Variants in BTG4 observed in about 807,000 individuals in gnomAD.
BTG4 encodes BTG anti-proliferation factor 4.
A neutral mutation model predicts 19.3 loss-of-function variants in BTG4; 10 were observed. The ratio of observed to expected loss-of-function variants is 0.52; its 90% CI spans 0.32 to 0.88. The LOEUF (loss-of-function observed/expected upper bound fraction) is 0.88. Among genes scored for constraint, BTG4 ranks in the 40% least tolerant of loss-of-function variants. BTG4 has a pLI of 0.04. For missense variants in BTG4, 238 were observed against 281.9 expected, an observed-to-expected ratio of 0.84 and a Z score of 1.11; for synonymous variants, 91 against 95.7, an observed-to-expected ratio of 0.95 and a Z score of 0.29.
chr11:111,491,748 A>T (rs1207613920), downstream of BTG4, among the ~76,000 whole-genome samples: 4 of 150,266 alleles, frequency 2.7e-5, no homozygotes, highest in Non-Finnish European at 5.9e-5. Flanking sequence ...AAAAAAAAAA[A>T]AAGAAAGAAA....
At chr11:111,472,456 C>T (rs1864127375) in intron 5 of BTG4, among the ~76,000 whole-genome samples, 1 of 152,184 alleles carries the variant, frequency 6.6e-6, no homozygotes, top group Non-Finnish European at 1.5e-5. Context: ...TTGCCACTGA[C>T]AACTAGTGGG....
At chr11:111,440,930 T>A in the BTG4 span, among the ~76,000 whole-genome samples, 6 of 152,138 alleles carry the variant, frequency 3.9e-5, no homozygotes, top group African/African-American at 1.2e-4. Context: ...CCACACCACT[T>A]AGGTACTGAG....
chr11:111,410,352 G>A, the BTG4 span, among the ~76,000 whole-genome samples: 1 of 152,022 alleles, frequency 6.6e-6, no homozygotes, highest in East Asian at 1.9e-4. Flanking sequence ...CAATCCTCCT[G>A]ATATAACTAG....
the BTG4 span, among the ~76,000 whole-genome samples, chr11:111,460,858 T>C: frequency 6.6e-6 from 1 of 152,188 alleles, no homozygotes; most frequent in Non-Finnish European, 1.5e-5. Context: ...AAAGCTTTCC[T>C]GCCCATTCCT....
chr11:111,424,931 G>T, the BTG4 span, among the ~76,000 whole-genome samples: 1 of 152,102 alleles, frequency 6.6e-6, no homozygotes, highest in Non-Finnish European at 1.5e-5. Context: ...TACTTTAAAA[G>T]ATTAATAAAA....
At chr11:111,427,033 C>T in the BTG4 span, among the ~76,000 whole-genome samples, 15 of 152,292 alleles carry the variant, frequency 9.8e-5, no homozygotes, top group South Asian at 3.1e-3. Flanking sequence ...CTTGAAGAGA[C>T]CTAGAATGAT....
chr11:111,513,596 C>T (rs541327462), upstream of BTG4: 5 of 438,740 alleles, frequency 1.1e-5, no homozygotes, highest in Admixed American at 7.3e-5. Flanking sequence ...TGATTTCATC[C>T]ATTGCCTATT....
the BTG4 span, among the ~76,000 whole-genome samples, chr11:111,460,912 G>C: frequency 1.3e-5 from 2 of 152,144 alleles, no homozygotes; most frequent in African/African-American, 4.8e-5. Context: ...TCCCCATCCA[G>C]GCACTCTTTA....
chr11:111,503,648 A>T (rs1460984130), intron 1 of BTG4, among the ~76,000 whole-genome samples: 1 of 152,188 alleles, frequency 6.6e-6, no homozygotes, highest in African/African-American at 2.4e-5. Context: ...GGTTCTGGCC[A>T]TTTGGAGTGA....
chr11:111,404,697 A>G, the BTG4 span: 3 of 455,996 alleles, frequency 6.6e-6, no homozygotes, highest in Admixed American at 7.1e-5. Flanking sequence ...TGGGTGAAGA[A>G]TGTCCTTTTT....
chr11:111,439,740 G>T, the BTG4 span, among the ~76,000 whole-genome samples: 1 of 152,040 alleles, frequency 6.6e-6, no homozygotes, highest in East Asian at 1.9e-4. Context: ...ACCTATAGGA[G>T]TCATAGAGCC....
At chr11:111,398,047 G>C in the BTG4 span, 1 of 152,086 alleles carries the variant, frequency 6.6e-6, no homozygotes, top group Non-Finnish European at 1.5e-5. Flanking sequence ...GTGGCTTGTG[G>C]GGCATGAGTG....
chr11:111,513,614 C>G, upstream of BTG4: 1 of 403,728 alleles, frequency 2.5e-6, no homozygotes, highest in Non-Finnish European at 5.1e-6. Context: ...ATTAATTGCT[C>G]AGCCAAAAGA....
chr11:111,487,332 T>C (rs1361752891), intron 5 of BTG4, among the ~76,000 whole-genome samples: 1 of 152,216 alleles, frequency 6.6e-6, no homozygotes, highest in Non-Finnish European at 1.5e-5. Flanking sequence ...TTTGGGTATA[T>C]ACCCAGTAAT....
At chr11:111,471,812 T>C (rs1365965182) in intron 5 of BTG4, among the ~76,000 whole-genome samples, 5 of 152,210 alleles carry the variant, frequency 3.3e-5, no homozygotes. Flanking sequence ...ACGCAATTTT[T>C]AATTTCTTTC....
At chr11:111,449,609 A>T in the BTG4 span, 1 of 152,226 alleles carries the variant, frequency 6.6e-6, no homozygotes, top group Non-Finnish European at 1.5e-5. Context: ...GGAAATATAG[A>T]GGTCAGTACT....
At chr11:111,513,087 ATG>A, upstream of BTG4, 1 of 436,380 alleles carries the variant, frequency 2.3e-6, no homozygotes, top group Admixed American at 2.4e-5. Context: ...TCGAGAGAAG[ATG>A]CCTGAGAAGC....
the BTG4 span, among the ~76,000 whole-genome samples, chr11:111,454,745 T>G: frequency 7.1e-6 from 1 of 140,424 alleles, no homozygotes; most frequent in Non-Finnish European, 1.5e-5. Flanking sequence ...GGCCAGGGCT[T>G]CCCCAGCAGA....
rs1291670920 is a variant in BTG4, at chr11:111,497,982, CTA to C, written c.311+14_311+15del. 2 of 1,612,526 alleles carry C rather than the reference CTA, an allele frequency of 1.2e-6. No homozygotes were observed. The highest frequency in any genetic ancestry group is 1.7e-6 in the Non-Finnish European group (2 of 1,178,944). On this transcript the variant is annotated intron_variant, in intron 3 of 4. Coordinates refer to ENST00000692032, the MANE Select transcript of BTG4 (RefSeq NM_001367975.1). ...TTCCAGGTATCACACAGCACACAAACTATGAGATTACTCACCTACAGCATACT... is the reference window on the plus strand; with the variant it reads ...TTCCAGGTATCACACAGCACACAAACTGAGATTACTCACCTACAGCATACT...
Sources: allele counts gnomAD v4.1 joint callset (sites outside exome capture counted in the v4.1 genomes callset), GRCh38; gene constraint gnomAD v4.1.1; transcripts MANE v1.5; gene names NCBI Gene and HGNC (gene_info 2026-07-23, HGNC 2026-07-21).